Variants in TRPC5 observed in about 807,000 individuals in gnomAD.
The protein encoded by TRPC5 is transient receptor potential cation channel subfamily C member 5.
In TRPC5, 9 loss-of-function variants were observed where a neutral mutation model predicts 56.5. The observed-to-expected ratio is 0.16, with a 90% confidence interval of 0.10 to 0.28. The LOEUF is 0.28. Ranked by LOEUF, TRPC5 falls within the 10% of genes least tolerant of loss-of-function variation. The pLI, the probability that TRPC5 is intolerant of heterozygous loss-of-function variation, is 1.00. For synonymous variants in TRPC5, 282 were observed against 278.5 expected, an observed-to-expected ratio of 1.01 and a Z score of -0.13; for missense variants, 469 against 748.9, an observed-to-expected ratio of 0.63 and a Z score of 4.36.
chrX:111,853,291 G>C (rs1923135378), intron 4 of TRPC5, among the ~76,000 whole-genome samples: 1 of 111,707 alleles, frequency 9.0e-6, no homozygotes, highest in South Asian at 3.8e-4. Context: ...ACCATGATGT[G>C]TGAATTTCCC....
In TRPC5 at chrX:112,048,049, C is replaced by A. The variant is rs1431959122; in HGVS notation, c.-22+33830G>T. On this transcript the variant is annotated intron_variant, in intron 1 of 10. Transcript: ENST00000262839. Reference sequence around the variant, plus strand: ...GGCACCTAGTATAACCTCAATTCTTCAGTGAATATCTGTCGCCAATGCTGT... The same window carrying A: ...GGCACCTAGTATAACCTCAATTCTTAAGTGAATATCTGTCGCCAATGCTGT... Among the ~76,000 whole-genome samples the A allele has an allele frequency of 4.5e-5, 5 of 111,896 alleles. No individual in the cohort carries two copies. In the East Asian group the frequency reaches 1.4e-3, roughly 31 times the overall value.
chrX:111,893,359 A>G (rs1411608602), intron 3 of TRPC5, among the ~76,000 whole-genome samples: 1 of 111,527 alleles, frequency 9.0e-6, no homozygotes, highest in Non-Finnish European at 1.9e-5. Context: ...AGGGCCTGGG[A>G]GCCTCTCATA....
chrX:111,871,341 A>G (rs761802491), intron 3 of TRPC5, among the ~76,000 whole-genome samples: 86 of 110,674 alleles, frequency 7.8e-4, no homozygotes, highest in African/African-American at 2.7e-3. Context: ...TTATCATAAC[A>G]GGATAATGTG....
chrX:111,822,344 T>C (rs1314076308), intron 7 of TRPC5, among the ~76,000 whole-genome samples: 1 of 112,020 alleles, frequency 8.9e-6, no homozygotes, highest in Non-Finnish European at 1.9e-5. Context: ...ATTTGCATTA[T>C]AACTGAGGAC....
chrX:111,995,426 C>G (rs1928496940), intron 1 of TRPC5, among the ~76,000 whole-genome samples: 1 of 111,577 alleles, frequency 9.0e-6, no homozygotes, highest in Admixed American at 9.5e-5. Context: ...CTAAAATTCT[C>G]TTTTTTTGTG....
intron 3 of TRPC5, among the ~76,000 whole-genome samples, chrX:111,882,430 A>C (rs1924270489): frequency 8.9e-6 from 1 of 112,454 alleles, no homozygotes; most frequent in South Asian, 3.7e-4. Flanking sequence ...GGCAGATACA[A>C]ACTGGAGGAG....
rs1569525928 is a variant in TRPC5, at chrX:111,825,222, CTTTCTT to C, written c.1896+9693_1896+9698del. On this transcript the variant is annotated intron_variant, in intron 7 of 10. Coordinates refer to ENST00000262839, the MANE Select transcript of TRPC5 (RefSeq NM_012471.3). ...TTCTTTCTTTCTTTCTTTCTTTCTT[CTTTCTT>C]TCTCTCTCTCTCTCTCTCTCTCTCT... is the stretch of plus-strand genomic sequence containing the variant. 1.8e-4 allele frequency among the ~76,000 whole-genome samples: 11 copies of C among 60,841 alleles called. No homozygotes were observed. The East Asian group carries it at 2.0e-3, about 11-fold the overall frequency. The allele number at this position is 60,841 out of a possible 115,157, so 52.8% of individuals were successfully genotyped here.
intron 2 of TRPC5, among the ~76,000 whole-genome samples, chrX:111,950,109 G>A (rs1927039368): frequency 9.0e-6 from 1 of 111,353 alleles, no homozygotes. Context: ...CAGATCACGA[G>A]GTCAGGAGAT....
At chrX:112,055,357 G>A (rs1930317554) in intron 1 of TRPC5, among the ~76,000 whole-genome samples, 1 of 111,702 alleles carries the variant, frequency 9.0e-6, no homozygotes, top group Non-Finnish European at 1.9e-5. Flanking sequence ...CTGATAAGAA[G>A]TAGGCGAAAC....
chrX:111,858,183 C>A lies in TRPC5; in HGVS notation c.901-4077G>T, dbSNP rs751541456. On this transcript the variant is annotated intron_variant, in intron 3 of 10. Coordinates refer to ENST00000262839, the MANE Select transcript of TRPC5 (RefSeq NM_012471.3). ...CATTTGTGAGCTTTGAAAGCACAATCCTGATTCTGCTTGCATAGTGAAGTT... is the reference window on the plus strand; with the variant it reads ...CATTTGTGAGCTTTGAAAGCACAATACTGATTCTGCTTGCATAGTGAAGTT... Among the ~76,000 whole-genome samples the A allele has an allele frequency of 8.1e-5, 9 of 111,752 alleles. No individual in the cohort carries two copies. In the South Asian group the frequency reaches 3.4e-3, roughly 42 times the overall value.
At chrX:111,876,157 T>C (rs1302080607) in intron 3 of TRPC5, 4 of 111,370 alleles carry the variant, frequency 3.6e-5, no homozygotes, top group African/African-American at 1.3e-4. Context: ...GGAGGTTACC[T>C]ACCATGTGAT....
At chrX:112,065,662 G>A (rs5943235) in intron 1 of TRPC5, among the ~76,000 whole-genome samples, 2,460 of 111,639 alleles carry the variant, frequency 0.022, 32 homozygotes, top group Non-Finnish European at 0.033. Flanking sequence ...AGACAGAGGC[G>A]GGTGGATTGT....
intron 3 of TRPC5, among the ~76,000 whole-genome samples, chrX:111,860,966 C>G (rs1389429629): frequency 9.1e-6 from 1 of 109,494 alleles, no homozygotes; most frequent in African/African-American, 3.5e-5. Flanking sequence ...TGAAATAGAA[C>G]TTTAGATTAT....
chrX:111,976,978 A>G (rs745539766), intron 1 of TRPC5, among the ~76,000 whole-genome samples: 38 of 111,725 alleles, frequency 3.4e-4, no homozygotes, highest in Admixed American at 6.7e-4. Context: ...TAAAATATTG[A>G]TGAAGAAATC....
chrX:111,996,736 A>G lies in TRPC5; in HGVS notation c.-21-44295T>C, dbSNP rs140289923. On this transcript the variant is annotated intron_variant, in intron 1 of 10. Transcript: ENST00000262839. ...GAATTGACCCTTTTACCATTATGTA[A>G]TGGCCTTGTCTCTTTTGATCTTTGT... Among the ~76,000 whole-genome samples, 851 of 112,049 alleles carry G rather than the reference A, an allele frequency of 7.6e-3. 7 individuals are homozygous for G. Among genetic ancestry groups the G allele is most frequent in the Middle Eastern group, 0.019 (4 of 216 alleles).
intron 1 of TRPC5, among the ~76,000 whole-genome samples, chrX:112,009,061 A>G (rs1043503732): frequency 1.8e-5 from 2 of 110,981 alleles, no homozygotes; most frequent in African/African-American, 6.6e-5. Context: ...AGCGTGGGGG[A>G]GCTAGGGACA....
chrX:112,069,412 G>A (rs1930661549), intron 1 of TRPC5, among the ~76,000 whole-genome samples: 1 of 111,721 alleles, frequency 9.0e-6, no homozygotes, highest in Non-Finnish European at 1.9e-5. Context: ...AAGCCTCTAA[G>A]GGGAATGCAT....
At chrX:111,872,199 G>A (rs7888887) in intron 3 of TRPC5, among the ~76,000 whole-genome samples, 11,200 of 111,950 alleles carry the variant, frequency 0.1, 1,295 homozygotes, top group African/African-American at 0.33. Context: ...AACACAGAAT[G>A]AACTAGAATA....
chrX:111,862,033 A>G (rs1439821041), intron 3 of TRPC5, among the ~76,000 whole-genome samples: 1 of 112,099 alleles, frequency 8.9e-6, no homozygotes, highest in East Asian at 2.8e-4. Flanking sequence ...GGACATGTTC[A>G]TTGAAACAGT....
Sources: allele counts gnomAD v4.1 joint callset (sites outside exome capture counted in the v4.1 genomes callset), GRCh38; gene constraint gnomAD v4.1.1; transcripts MANE v1.5; gene names NCBI Gene and HGNC (gene_info 2026-07-23, HGNC 2026-07-21).